Variants in TCERG1L observed in about 807,000 individuals in gnomAD.
The protein encoded by TCERG1L is transcription elongation regulator 1-like protein.
In TCERG1L, 37 loss-of-function variants were observed where a neutral mutation model predicts 56.3. The observed-to-expected ratio is 0.66, with a 90% CI of 0.51 to 0.87. TCERG1L has a LOEUF of 0.87. Among genes scored for constraint, TCERG1L ranks in the 40% least tolerant of loss-of-function variants. TCERG1L has a pLI of 0.00. For synonymous variants in TCERG1L, 324 were observed against 326.3 expected (o/e 0.99, Z 0.08); for missense variants, 799 against 774.2 (o/e 1.03, Z -0.38).
At chr10:131,285,362 AAG>A (rs58969478) in intron 3 of TCERG1L, among the ~76,000 whole-genome samples, 3,366 of 147,610 alleles carry the variant, frequency 0.023, 164 homozygotes, top group African/African-American at 0.078. Flanking sequence ...GCAATACAGT[AAG>A]ACTCTGTCAA....
intron 6 of TCERG1L, among the ~76,000 whole-genome samples, chr10:131,150,257 C>T (rs970499011): frequency 3.3e-4 from 3 of 9,226 alleles, no homozygotes; most frequent in South Asian, 0.034. Flanking sequence ...CCTCCAACGG[C>T]CTCACCCAGA....
At chr10:131,168,655 C>T (rs1014958287) in intron 4 of TCERG1L, among the ~76,000 whole-genome samples, 3 of 152,220 alleles carry the variant, frequency 2.0e-5, no homozygotes, top group African/African-American at 4.8e-5. Flanking sequence ...CCAGCCTGTC[C>T]ACCTCTTTCA....
intron 3 of TCERG1L, among the ~76,000 whole-genome samples, chr10:131,302,438 G>C (rs1373774293): frequency 6.6e-6 from 1 of 150,924 alleles, no homozygotes; most frequent in Non-Finnish European, 1.5e-5. Flanking sequence ...ACCTGACTCT[G>C]GTATAATATT....
chr10:131,172,869 G>A (rs1846108155), intron 4 of TCERG1L, among the ~76,000 whole-genome samples: 1 of 150,522 alleles, frequency 6.6e-6, no homozygotes, highest in African/African-American at 2.4e-5. Flanking sequence ...CAGAATTGTT[G>A]TAGAGAGAAT....
intron 4 of TCERG1L, among the ~76,000 whole-genome samples, chr10:131,231,912 C>T (rs1031049088): frequency 7.2e-5 from 11 of 152,148 alleles, no homozygotes; most frequent in African/African-American, 2.7e-4. Flanking sequence ...AGGGTTCCTG[C>T]TGAGCGGGGG....
chr10:131,140,333 G>A (rs1019864018), intron 7 of TCERG1L, among the ~76,000 whole-genome samples: 3 of 152,136 alleles, frequency 2.0e-5, no homozygotes, highest in Non-Finnish European at 2.9e-5. Flanking sequence ...GCTGCCCAGT[G>A]GCCCTGAGCT....
At chr10:131,203,548 G>A (rs540419584) in intron 4 of TCERG1L, among the ~76,000 whole-genome samples, 4 of 152,316 alleles carry the variant, frequency 2.6e-5, no homozygotes, top group East Asian at 1.9e-4. Flanking sequence ...AAACGCCCCC[G>A]TCATGTCAAC....
At chr10:131,308,078 C>G in intron 3 of TCERG1L, 133 bp downstream of exon 3, 1 of 1,047,120 alleles carries the variant, frequency 9.5e-7, no homozygotes, top group East Asian at 2.7e-5. Flanking sequence ...AAGCTTCATG[C>G]TTGTGAAAAG....
intron 4 of TCERG1L, among the ~76,000 whole-genome samples, chr10:131,177,779 G>A (rs1845121914): frequency 6.6e-6 from 1 of 151,820 alleles, no homozygotes; most frequent in African/African-American, 2.4e-5. Context: ...GAGGCTGAAG[G>A]GGAGGCTCCT....
At chr10:131,199,469 C>CA (rs1458510826) in intron 4 of TCERG1L, among the ~76,000 whole-genome samples, 1 of 152,198 alleles carries the variant, frequency 6.6e-6, no homozygotes, top group Non-Finnish European at 1.5e-5. Flanking sequence ...AGTCCCAGGA[C>CA]ACAGACACAG....
Position 131,147,008 on chromosome 10 carries a change from T to C in TCERG1L, c.1035-348A>G, listed in dbSNP as rs1845802226. 1.3e-5 allele frequency among the ~76,000 whole-genome samples: 2 copies of C among 152,104 alleles called. 1 individual carries two copies. The highest frequency in any genetic ancestry group is 4.1e-4 in the South Asian group (2 of 4,822). On this transcript the variant is annotated intron_variant, in intron 6 of 11. Coordinates refer to ENST00000368642, the MANE Select transcript of TCERG1L (RefSeq NM_174937.4). ...AAATTCCATTCCAGATGCAGAGCAC[T>C]CTGGGGCGCCTCCTGGCCCTGGTTC...
At chr10:131,189,646 G>A (rs1172845700) in intron 4 of TCERG1L, among the ~76,000 whole-genome samples, 2 of 152,154 alleles carry the variant, frequency 1.3e-5, no homozygotes, top group Non-Finnish European at 2.9e-5. Context: ...AAACAGGAGT[G>A]CAGGTATCTT....
At position 131,228,973 on chromosome 10, in the gene TCERG1L, C is replaced by A. The variant is rs796138766; in HGVS notation, c.856+31286G>T. ...CAGACAGGCATTTCCTCAAGGCCTC[C>A]GGAGTCTTCCCTCCAGACAGGCATT... On this transcript the variant is annotated intron_variant, in intron 4 of 11. Coordinates refer to ENST00000368642, the MANE Select transcript of TCERG1L (RefSeq NM_174937.4). Among the ~76,000 whole-genome samples, 119 of 62,184 alleles carry A rather than the reference C, an allele frequency of 1.9e-3. 6 individuals are homozygous for A. The highest frequency in any genetic ancestry group is 2.2e-3 in the Admixed American group (14 of 6,440). 40.8% of individuals were successfully genotyped at this position (62,184 alleles called of 152,430 possible).
At chr10:131,176,360 A>G (rs1242557194) in intron 4 of TCERG1L, among the ~76,000 whole-genome samples, 2 of 150,412 alleles carry the variant, frequency 1.3e-5, no homozygotes, top group Non-Finnish European at 3.0e-5. Flanking sequence ...ACATACAAAG[A>G]GGCACATGCA....
Position 131,118,404 on chromosome 10 carries a change from CCA to C in TCERG1L, c.1260-1472_1260-1471del, listed in dbSNP as rs1845481650. Among the ~76,000 whole-genome samples the C allele has an allele frequency of 6.6e-6, 1 of 152,170 alleles. No homozygotes were observed. ...TCTAGAGGTAAGAGTCTCTCCTGGG[CCA>C]CAGTCTCCCCAAGCTCCACTGAACT... On this transcript the variant is annotated intron_variant, in intron 8 of 11. Transcript: ENST00000368642. This position sits in a 1 kb window ranked among gnomAD's most constrained non-coding sequence, Gnocchi z 4.2.
chr10:131,152,287 C>T (rs1262191632), intron 6 of TCERG1L, among the ~76,000 whole-genome samples: 3 of 152,188 alleles, frequency 2.0e-5, no homozygotes, highest in African/African-American at 7.2e-5. Context: ...TTCCACCAGA[C>T]ACCCTAAATC....
intron 4 of TCERG1L, among the ~76,000 whole-genome samples, chr10:131,236,478 C>T (rs1327413110): frequency 6.6e-6 from 1 of 152,210 alleles, no homozygotes; most frequent in African/African-American, 2.4e-5. Context: ...CCCAGGGTCA[C>T]CGTGCCCTGT....
intron 3 of TCERG1L, among the ~76,000 whole-genome samples, chr10:131,278,090 C>T (rs373552384): frequency 2.0e-5 from 3 of 151,910 alleles, no homozygotes; most frequent in South Asian, 2.1e-4. Context: ...CCTGCCTCCC[C>T]CCGGGCCCAC....
At chr10:131,170,923 G>A (rs1260821589) in intron 4 of TCERG1L, among the ~76,000 whole-genome samples, 6 of 152,130 alleles carry the variant, frequency 3.9e-5, no homozygotes, top group Admixed American at 3.3e-4. Flanking sequence ...CGAGGTGGGC[G>A]GATCACGAGG....
Sources: gnomAD v4.1 joint callset for allele counts (sites outside exome capture counted in the v4.1 genomes callset) on GRCh38, gnomAD v4.1.1 for gene constraint, Gnocchi (gnomAD v3.1) non-coding constraint, MANE v1.5 for transcripts, NCBI Gene and HGNC (gene_info 2026-07-23, HGNC 2026-07-21) for gene names.